The following CTNNA2 variants were observed in gnomAD, a reference collection of about 807,000 sequenced individuals.
CTNNA2 encodes catenin alpha 2.
A neutral mutation model predicts 101.0 loss-of-function variants in CTNNA2; 42 were observed. That is an observed-to-expected ratio of 0.42 (90% CI 0.32 to 0.54). CTNNA2 has a LOEUF of 0.54. Among genes scored for constraint, CTNNA2 ranks in the 20% least tolerant of loss-of-function variants. The pLI is 0.14. For synonymous variants in CTNNA2, 450 were observed against 456.4 expected, an observed-to-expected ratio of 0.99 and a Z score of 0.18; for missense variants, 871 against 1,223.1, an observed-to-expected ratio of 0.71 and a Z score of 4.29.
intron 3 of CTNNA2, among the ~76,000 whole-genome samples, chr2:79,781,219 C>G (rs1674398974): frequency 6.6e-6 from 1 of 152,158 alleles, no homozygotes; most frequent in African/African-American, 2.4e-5. Flanking sequence ...CTGACGTTGC[C>G]ATGGCATTTG....
intron 4 of CTNNA2, among the ~76,000 whole-genome samples, chr2:79,430,968 A>G (rs1573162611): frequency 6.6e-6 from 1 of 152,218 alleles, no homozygotes; most frequent in Admixed American, 6.5e-5. Flanking sequence ...ATTCGTGTAA[A>G]GACTTCCATG....
In CTNNA2 at chr2:80,299,093, T is replaced by G. The variant is rs115906470; in HGVS notation, c.1057-94118T>G. 2.7e-3 allele frequency: 407 copies of G among 152,216 alleles called. 3 individuals are homozygous for G. The highest frequency in any genetic ancestry group is 9.3e-3 in the African/African-American group (385 of 41,540). 9.4% of individuals were successfully genotyped at this position (152,216 alleles called of 1,614,324 possible). A position where few individuals can be genotyped will look rare whatever the true frequency, so the allele number is the denominator to read the frequency against. ...GTACTGCAAATGGAGGGTCAATCCA[T>G]CACAATGCCCAGGACGAGACGTGAA... is the stretch of plus-strand genomic sequence containing the variant. On this transcript the variant is annotated intron_variant, in intron 7 of 18. Transcript: ENST00000402739.
rs188647944 is a variant in CTNNA2, at chr2:79,911,028, A to G, written c.1056+1231A>G. ...AGACTTGGCCTTTTTCAGCACACAA[A>G]GAATAAAATGTGGATGCATCATGTG... On this transcript the variant is annotated intron_variant, in intron 7 of 18. Coordinates refer to ENST00000402739, the MANE Select transcript of CTNNA2 (RefSeq NM_001282597.3). 2.4e-4 allele frequency among the ~76,000 whole-genome samples: 36 copies of G among 152,316 alleles called. No homozygotes were observed. In the East Asian group the frequency reaches 6.8e-3, roughly 29 times the overall value.
intron 1 of CTNNA2, among the ~76,000 whole-genome samples, chr2:79,618,978 G>A (rs1008958702): frequency 6.6e-6 from 1 of 152,178 alleles, no homozygotes; most frequent in South Asian, 2.1e-4. Flanking sequence ...GGCCGAGGCA[G>A]GTGGATCATT....
At chr2:80,245,954 C>T (rs953367829) in intron 7 of CTNNA2, among the ~76,000 whole-genome samples, 1 of 151,624 alleles carries the variant, frequency 6.6e-6, no homozygotes, top group Admixed American at 6.6e-5. Flanking sequence ...ACCACCACAC[C>T]CGGCTAATTT....
chr2:80,588,167 T>C (rs921029611), intron 14 of CTNNA2, among the ~76,000 whole-genome samples: 7 of 152,184 alleles, frequency 4.6e-5, no homozygotes, highest in African/African-American at 1.7e-4. Context: ...AATAACTCTG[T>C]AACTCATGCC....
At chr2:79,209,954 C>CTG (rs372814053) in intron 2 of CTNNA2, among the ~76,000 whole-genome samples, 2 of 149,678 alleles carry the variant, frequency 1.3e-5, no homozygotes, top group African/African-American at 2.5e-5. Flanking sequence ...TCTTGGTAGT[C>CTG]TGTGTGTGTG....
chr2:80,644,294 T>C (rs1424573799), intron 18 of CTNNA2, among the ~76,000 whole-genome samples: 8 of 152,194 alleles, frequency 5.3e-5, no homozygotes, highest in Non-Finnish European at 5.9e-5. Flanking sequence ...AAGGACTCAA[T>C]GTCAGGCGTC....
At chr2:80,245,683 A>G (rs369119110) in intron 7 of CTNNA2, among the ~76,000 whole-genome samples, 2 of 151,080 alleles carry the variant, frequency 1.3e-5, no homozygotes, top group South Asian at 2.1e-4. Flanking sequence ...CTGACTCCCT[A>G]TGACAACTGT....
chr2:80,262,138 C>G (rs1243424392), intron 7 of CTNNA2, among the ~76,000 whole-genome samples: 1 of 152,008 alleles, frequency 6.6e-6, no homozygotes, highest in African/African-American at 2.4e-5. Context: ...CCTGGAAAGA[C>G]CTACTATTAA....
At chr2:80,375,562 C>CTTT (rs199662476) in intron 7 of CTNNA2, among the ~76,000 whole-genome samples, 3,698 of 105,486 alleles carry the variant, frequency 0.035, 354 homozygotes, top group African/African-American at 0.11. Context: ...TTTCTGGCTT[C>CTTT]TTTTTTTTTT....
chr2:79,231,855 A>T (rs568596529), intron 2 of CTNNA2, among the ~76,000 whole-genome samples: 1 of 152,116 alleles, frequency 6.6e-6, no homozygotes, highest in Non-Finnish European at 1.5e-5. Context: ...TTTGATTCTC[A>T]TCTAGAATGT....
rs921847613 is a variant in CTNNA2 at position 79,982,121 on chromosome 2, C to T, written c.1056+72324C>T. 7.5e-5 allele frequency among the ~76,000 whole-genome samples: 11 copies of T among 146,056 alleles called. No individual in the cohort carries two copies. The South Asian group carries it at 8.8e-4, about 12-fold the overall frequency. On this transcript the variant is annotated intron_variant, in intron 7 of 18. Coordinates refer to ENST00000402739, the MANE Select transcript of CTNNA2 (RefSeq NM_001282597.3). ...TGGCATGATCACAGTTCACTGCAGC[C>T]GCAAACTCACTGGCTCAAGAGATTC...
At chr2:79,655,610 C>T (rs767185892) in intron 2 of CTNNA2, among the ~76,000 whole-genome samples, 1 of 152,112 alleles carries the variant, frequency 6.6e-6, no homozygotes, top group Non-Finnish European at 1.5e-5. Flanking sequence ...AAGAAGATCA[C>T]TTGAAGTCAG....
chr2:80,313,078 G>A (rs1276457846), intron 7 of CTNNA2, among the ~76,000 whole-genome samples: 1 of 152,152 alleles, frequency 6.6e-6, no homozygotes, highest in African/African-American at 2.4e-5. Context: ...ATAGACACAA[G>A]CCATTAGCCC....
At chr2:79,250,848 C>A (rs1674762064) in intron 2 of CTNNA2, among the ~76,000 whole-genome samples, 1 of 152,194 alleles carries the variant, frequency 6.6e-6, no homozygotes, top group South Asian at 2.1e-4. Flanking sequence ...TGGCTCAACT[C>A]ACCCTCGCTT....
chr2:80,354,768 T>C (rs1023058007), intron 7 of CTNNA2, among the ~76,000 whole-genome samples: 1 of 152,112 alleles, frequency 6.6e-6, no homozygotes, highest in Non-Finnish European at 1.5e-5. Flanking sequence ...TCTAGATCAG[T>C]GTTTCTCAAA....
At chr2:80,026,563 A>G (rs555963152) in intron 7 of CTNNA2, among the ~76,000 whole-genome samples, 1 of 152,336 alleles carries the variant, frequency 6.6e-6, no homozygotes, top group Admixed American at 6.5e-5. Context: ...CTCTAGATGA[A>G]TCAGACAGAA....
chr2:80,606,403 CACACACACA>C (rs1558638138), intron 16 of CTNNA2, among the ~76,000 whole-genome samples: 1 of 121,844 alleles, frequency 8.2e-6, no homozygotes, highest in East Asian at 2.5e-4. Context: ...CACACACACA[CACACACACA>C]CCCCCCAGGA....
Sources: allele counts gnomAD v4.1 joint callset (sites outside exome capture counted in the v4.1 genomes callset), GRCh38; gene constraint gnomAD v4.1.1; transcripts MANE v1.5; gene names NCBI Gene and HGNC (gene_info 2026-07-23, HGNC 2026-07-21).